FAM174A: variants seen among roughly 807,000 people sequenced by gnomAD.
The protein encoded by FAM174A is family with sequence similarity 174 member A.
FAM174A carries 14 observed loss-of-function variants against 14.3 expected under a neutral mutation model. The ratio of observed to expected loss-of-function variants is 0.98; its 90% CI spans 0.65 to 1.53. The LOEUF (loss-of-function observed/expected upper bound fraction) is 1.53. Ranked by LOEUF, FAM174A falls within the 40% of genes most tolerant of loss-of-function variation. FAM174A has a pLI of 0.00. For missense variants in FAM174A, 241 were observed against 249.6 expected, an observed-to-expected ratio of 0.97 and a Z score of 0.23; for synonymous variants, 108 against 111.4, an observed-to-expected ratio of 0.97 and a Z score of 0.19.
At chr5:100,546,410 A>T (rs1430521495) in intron 1 of FAM174A, among the ~76,000 whole-genome samples, 1 of 152,148 alleles carries the variant, frequency 6.6e-6, no homozygotes, top group Admixed American at 6.5e-5. Context: ...GGAGGTCAAG[A>T]TTTGATGAAC....
At chr5:100,564,364 T>C (rs75182118) in intron 2 of FAM174A, among the ~76,000 whole-genome samples, 4 of 151,434 alleles carry the variant, frequency 2.6e-5, no homozygotes, top group East Asian at 1.9e-4. Context: ...ACAAAACTTA[T>C]GGGATGCAGC....
At chr5:100,550,713 T>G (rs1746245462) in intron 1 of FAM174A, among the ~76,000 whole-genome samples, 1 of 152,178 alleles carries the variant, frequency 6.6e-6, no homozygotes, top group Non-Finnish European at 1.5e-5. Context: ...AGTAGAGGTT[T>G]GTGACCTAGT....
chr5:100,564,990 TAGA>T (rs1359367095), intron 2 of FAM174A, among the ~76,000 whole-genome samples: 3 of 151,780 alleles, frequency 2.0e-5, no homozygotes, highest in African/African-American at 7.3e-5. Context: ...TTCTGACAAA[TAGA>T]AGAAGAAGCA....
At chr5:100,539,225 A>G (rs1221930203) in intron 1 of FAM174A, among the ~76,000 whole-genome samples, 1 of 152,150 alleles carries the variant, frequency 6.6e-6, no homozygotes, top group Non-Finnish European at 1.5e-5. Context: ...ACTGACCAGT[A>G]CTGGGCACTG....
chr5:100,557,396 T>G (rs1746414082), intron 1 of FAM174A, among the ~76,000 whole-genome samples: 1 of 152,176 alleles, frequency 6.6e-6, no homozygotes, highest in Non-Finnish European at 1.5e-5. Context: ...TCTAAAATTC[T>G]CTTTTTTTGT....
At chr5:100,562,898 G>T (rs1000047374) in intron 2 of FAM174A, among the ~76,000 whole-genome samples, 2 of 151,736 alleles carry the variant, frequency 1.3e-5, no homozygotes, top group African/African-American at 4.8e-5. Flanking sequence ...AGCCAACAAA[G>T]ATTCAACCTA....
chr5:100,549,742 G>A (rs1204580599), intron 1 of FAM174A, among the ~76,000 whole-genome samples: 1 of 151,908 alleles, frequency 6.6e-6, no homozygotes, highest in Non-Finnish European at 1.5e-5. Context: ...GGCAGAGCTG[G>A]ATAACTGTCA....
Position 100,535,704 on chromosome 5 carries a change from G to C in FAM174A, c.174G>C (p.Pro58=). The change falls in exon 1 of 3, where the codon CCG becomes CCC. Residue 58 remains proline, a synonymous_variant. Transcript: ENST00000312637. Reference sequence around the variant, plus strand: ...CACGGACATTACCGCCGCTGCCACCGGGCCCTACCCCTGCCCAGCAGCCGG... The same window carrying C: ...CACGGACATTACCGCCGCTGCCACCCGGCCCTACCCCTGCCCAGCAGCCGG... ...PRPRTLPPLP[P]GPTPAQQPGR... 6.2e-7 allele frequency: 1 copy of C among 1,607,700 alleles called. No individual in the cohort carries two copies. Among genetic ancestry groups the C allele is most frequent in the Non-Finnish European group, 8.5e-7 (1 of 1,178,326 alleles).
chr5:100,571,457 ACT>A (rs1228003147), intron 2 of FAM174A, among the ~76,000 whole-genome samples: 1 of 151,240 alleles, frequency 6.6e-6, no homozygotes, highest in African/African-American at 2.4e-5. Flanking sequence ...TCCATAATAC[ACT>A]GGACTTTAGA....
Position 100,552,941 on chromosome 5 carries a change from C to T in FAM174A, c.435-9113C>T, listed in dbSNP as rs1746293809. Among the ~76,000 whole-genome samples the T allele has an allele frequency of 2.0e-5, 3 of 152,104 alleles. No homozygotes were observed. The South Asian group carries it at 6.2e-4, about 32-fold the overall frequency. ...TGCCGGCTTAGGCTTCCATACTTTCCTCTGTACAAATTTGTAGATAAGGTC... is the reference window on the plus strand; with the variant it reads ...TGCCGGCTTAGGCTTCCATACTTTCTTCTGTACAAATTTGTAGATAAGGTC... On this transcript the variant is annotated intron_variant, in intron 1 of 2. Transcript: ENST00000312637.
intron 2 of FAM174A, among the ~76,000 whole-genome samples, chr5:100,576,464 C>A (rs1746908529): frequency 6.6e-6 from 1 of 152,162 alleles, no homozygotes. Flanking sequence ...TCTTTTATGT[C>A]TCTTTCTTAA....
intron 2 of FAM174A, among the ~76,000 whole-genome samples, chr5:100,582,732 A>C (rs1341073430): frequency 6.6e-6 from 1 of 152,136 alleles, no homozygotes; most frequent in Admixed American, 6.5e-5. Context: ...AATTTTTGTT[A>C]CCGTATTATA....
chr5:100,561,742 G>A (rs1354030455), intron 1 of FAM174A, among the ~76,000 whole-genome samples: 9 of 151,918 alleles, frequency 5.9e-5, no homozygotes, highest in Admixed American at 5.9e-4. Flanking sequence ...CCTGACCTAA[G>A]CCTTTAAAAA....
chr5:100,584,892 A>C (rs1215395318), intron 2 of FAM174A, among the ~76,000 whole-genome samples: 1 of 151,800 alleles, frequency 6.6e-6, no homozygotes, highest in Non-Finnish European at 1.5e-5. Context: ...TTTTTTTGTA[A>C]TGTCATGACT....
intron 1 of FAM174A, among the ~76,000 whole-genome samples, chr5:100,543,581 T>A (rs987851746): frequency 6.6e-6 from 1 of 152,056 alleles, no homozygotes; most frequent in Non-Finnish European, 1.5e-5. Context: ...TTTAATTAGC[T>A]CCTTAATCAG....
At chr5:100,570,234 C>T (rs1373489542) in intron 2 of FAM174A, among the ~76,000 whole-genome samples, 2 of 151,768 alleles carry the variant, frequency 1.3e-5, no homozygotes, top group Non-Finnish European at 2.9e-5. Flanking sequence ...ATTCCTATTA[C>T]CTTCTGTGGC....
chr5:100,556,655 C>G (rs998126559), intron 1 of FAM174A, among the ~76,000 whole-genome samples: 2 of 152,146 alleles, frequency 1.3e-5, no homozygotes, highest in African/African-American at 4.8e-5. Context: ...AGAGGTCCTT[C>G]ACGTCCCTTG....
At chr5:100,572,171 G>A (rs17157336) in intron 2 of FAM174A, among the ~76,000 whole-genome samples, 8 of 148,962 alleles carry the variant, frequency 5.4e-5, no homozygotes, top group African/African-American at 2.0e-4. Flanking sequence ...ATTAATCTGT[G>A]TAATTAAATG....
intron 1 of FAM174A, 94 bp downstream of exon 1, chr5:100,536,058 TC>T (rs1745937372): frequency 1.8e-6 from 2 of 1,140,644 alleles, no homozygotes; most frequent in African/African-American, 3.1e-5. Context: ...CTTTCCCCCT[TC>T]CCCAGCATCA....
Sources: allele counts gnomAD v4.1 joint callset (sites outside exome capture counted in the v4.1 genomes callset), GRCh38; gene constraint gnomAD v4.1.1; transcripts MANE v1.5; gene names NCBI Gene and HGNC (gene_info 2026-07-23, HGNC 2026-07-21).